Variants in SRGAP3 observed in about 807,000 individuals in gnomAD.
SRGAP3 encodes SLIT-ROBO Rho GTPase-activating protein 3.
Under a neutral mutation model 121.1 loss-of-function variants are expected in SRGAP3, and 39 were observed. That is an observed-to-expected ratio of 0.32 (90% CI 0.25 to 0.42). The LOEUF is 0.42. Ranked by LOEUF, SRGAP3 falls within the 10% of genes least tolerant of loss-of-function variation. SRGAP3 has a pLI of 1.00. For missense variants in SRGAP3, 1,213 were observed against 1,470.6 expected (o/e 0.82, Z 2.86); for synonymous variants, 601 against 570.0 (o/e 1.05, Z -0.77).
chr3:9,299,254 G>A lies in SRGAP3; in HGVS notation n.442+26756C>T, dbSNP rs140756833. Among the ~76,000 whole-genome samples, 253 of 150,608 alleles carry A rather than the reference G, an allele frequency of 1.7e-3. 2 individuals are homozygous for A. The Middle Eastern group carries it at 0.021, about 12-fold the overall frequency. On this transcript the variant is annotated intron_variant and non_coding_transcript_variant, in intron 3 of 3. Transcript: ENST00000490889. ...TGCATGCCTGTAGTCCCAGCTACACGGGAGTCTGAGGCAGGAGAATTGCTT... is the reference window on the plus strand; with the variant it reads ...TGCATGCCTGTAGTCCCAGCTACACAGGAGTCTGAGGCAGGAGAATTGCTT...
At chr3:9,140,122 TACACACAC>T (rs35572227) in intron 1 of SRGAP3, among the ~76,000 whole-genome samples, 3 of 140,118 alleles carry the variant, frequency 2.1e-5, no homozygotes, top group African/African-American at 7.5e-5. Flanking sequence ...CTCAGAGGCA[TACACACAC>T]ACACACACAC....
chr3:9,026,966 G>C lies in SRGAP3; in HGVS notation c.1569C>G (p.Val523=), dbSNP rs753327611. 3 of 1,614,036 alleles carry C rather than the reference G, an allele frequency of 1.9e-6. No homozygotes were observed. Among genetic ancestry groups the C allele is most frequent in the Non-Finnish European group, 2.5e-6 (3 of 1,180,036 alleles). The change falls in exon 13 of 22, where the codon GTC becomes GTG. Residue 523 remains valine, a synonymous_variant. Transcript: ENST00000383836. ...KDSGQAIPLV[V]ESCIRYINLY... ...AATTGATGTAACGGATGCAGCTCTC[G>C]ACTACAAGCGGTATAGCTTGTCCTG...
intron 3 of SRGAP3, among the ~76,000 whole-genome samples, chr3:9,259,489 G>T (rs1445831981): frequency 1.3e-5 from 2 of 152,090 alleles, no homozygotes; most frequent in Non-Finnish European, 2.9e-5. Context: ...TTTTTTTGTA[G>T]AGATGGTGGT....
chr3:9,197,226 AG>A, intron 1 of SRGAP3, among the ~76,000 whole-genome samples: 1 of 152,382 alleles, frequency 6.6e-6, no homozygotes, highest in South Asian at 2.1e-4. Flanking sequence ...AATGCTAGAA[AG>A]GAAAGAAAAG....
intron 1 of SRGAP3, chr3:9,193,017 G>A (rs561919904): frequency 6.6e-6 from 1 of 152,318 alleles, no homozygotes; most frequent in African/African-American, 2.4e-5. Flanking sequence ...TGGGCCCTTG[G>A]TAGTGGGCAG....
chr3:9,294,551 A>AAAC (rs1491332426), intron 3 of SRGAP3, among the ~76,000 whole-genome samples: 2 of 45,024 alleles, frequency 4.4e-5, no homozygotes, highest in Non-Finnish European at 1.4e-4. Flanking sequence ...ACAAACAAAC[A>AAAC]AAAAAAAACA....
Position 9,207,575 on chromosome 3 carries a change from G to A in SRGAP3, c.67+41310C>T, listed in dbSNP as rs558665793. On this transcript the variant is annotated intron_variant, in intron 1 of 21. Coordinates refer to ENST00000383836, the MANE Select transcript of SRGAP3 (RefSeq NM_014850.4). Reference sequence around the variant, plus strand: ...TGTGCTGTTAGTTTCAAAACCCGCGGGAGGGAGGAGAAGGAAGAAGGATTG... The same window carrying A: ...TGTGCTGTTAGTTTCAAAACCCGCGAGAGGGAGGAGAAGGAAGAAGGATTG... Among the ~76,000 whole-genome samples, 3 of 152,300 alleles carry A rather than the reference G, an allele frequency of 2.0e-5. No individual in the cohort carries two copies. The South Asian group carries it at 6.2e-4, about 32-fold the overall frequency.
At position 9,248,105 on chromosome 3, in the gene SRGAP3, C is replaced by A. The variant is rs144841774; in HGVS notation, c.67+780G>T. On this transcript the variant is annotated intron_variant, in intron 1 of 21. Coordinates refer to ENST00000383836, the MANE Select transcript of SRGAP3 (RefSeq NM_014850.4). ...CAACCAGCAGCCAGAGGTCATCTCGCCCTCCCGGCAGGCTTCTCCTGGAAC... is the reference window on the plus strand; with the variant it reads ...CAACCAGCAGCCAGAGGTCATCTCGACCTCCCGGCAGGCTTCTCCTGGAAC... 3.3e-5 allele frequency among the ~76,000 whole-genome samples: 5 copies of A among 152,384 alleles called. No homozygotes were observed. The East Asian group carries it at 9.7e-4, about 29-fold the overall frequency.
chr3:9,334,445 TC>T (rs1955657125), intron 1 of SRGAP3, among the ~76,000 whole-genome samples: 1 of 152,028 alleles, frequency 6.6e-6, no homozygotes, highest in Admixed American at 6.6e-5. Flanking sequence ...ATGTATCCAA[TC>T]TTAGATAAGA....
intron 2 of SRGAP3, among the ~76,000 whole-genome samples, chr3:9,122,937 A>G (rs1314879330): frequency 2.0e-5 from 3 of 152,178 alleles, no homozygotes; most frequent in African/African-American, 7.2e-5. Flanking sequence ...ACGCGACCCA[A>G]GTGTCCACCA....
intron 3 of SRGAP3, among the ~76,000 whole-genome samples, chr3:9,324,473 G>A (rs1203785897): frequency 6.6e-6 from 1 of 151,876 alleles, no homozygotes; most frequent in African/African-American, 2.4e-5. Flanking sequence ...ACCTCCCTAT[G>A]CTGGAACATC....
chr3:9,305,038 T>C (rs1955133251), intron 3 of SRGAP3, among the ~76,000 whole-genome samples: 1 of 152,152 alleles, frequency 6.6e-6, no homozygotes, highest in African/African-American at 2.4e-5. Flanking sequence ...CAAAGAAATG[T>C]CAGGTTGGGC....
chr3:9,265,135 A>G (rs1303773050), intron 3 of SRGAP3, among the ~76,000 whole-genome samples: 10 of 152,216 alleles, frequency 6.6e-5, no homozygotes, highest in Admixed American at 6.5e-4. Context: ...AGGATTCCCT[A>G]TTTAATAAAT....
chr3:9,040,960 C>T (rs1034879323), intron 10 of SRGAP3, among the ~76,000 whole-genome samples: 3 of 152,194 alleles, frequency 2.0e-5, no homozygotes, highest in Non-Finnish European at 2.9e-5. Flanking sequence ...CTTAAAACTG[C>T]GCTGACACCA....
At chr3:9,328,663 G>T (rs1321515032) in intron 2 of SRGAP3, among the ~76,000 whole-genome samples, 1 of 152,180 alleles carries the variant, frequency 6.6e-6, no homozygotes, top group East Asian at 1.9e-4. Context: ...ATAGTCTGTG[G>T]AAGAGAAGAG....
chr3:9,082,075 G>A (rs889739761), intron 3 of SRGAP3, among the ~76,000 whole-genome samples: 4 of 152,180 alleles, frequency 2.6e-5, no homozygotes, highest in African/African-American at 7.2e-5. Context: ...CATCATGGGG[G>A]TGAACGGCTC....
chr3:8,993,968 C>A, intron 19 of SRGAP3: 1 of 296,298 alleles, frequency 3.4e-6, no homozygotes. Context: ...CTGCCCATCC[C>A]CTAAGAGAGC....
intron 13 of SRGAP3, among the ~76,000 whole-genome samples, chr3:9,026,111 C>T (rs1944186586): frequency 6.6e-6 from 1 of 152,184 alleles, no homozygotes; most frequent in Non-Finnish European, 1.5e-5. Flanking sequence ...CACTCGCCAT[C>T]CTCCATTCTC....
intron 1 of SRGAP3, among the ~76,000 whole-genome samples, chr3:9,224,099 C>T (rs1952906475): frequency 6.6e-6 from 1 of 152,160 alleles, no homozygotes; most frequent in Non-Finnish European, 1.5e-5. Flanking sequence ...CTGCAACAAA[C>T]ACATGCATAC....
Sources: allele counts gnomAD v4.1 joint callset (sites outside exome capture counted in the v4.1 genomes callset), GRCh38; gene constraint gnomAD v4.1.1; transcripts MANE v1.5; gene names NCBI Gene and HGNC (gene_info 2026-07-23, HGNC 2026-07-21).